Variants in GYPC observed in about 807,000 individuals in gnomAD.
GYPC encodes the protein glycophorin C (Gerbich blood group).
A neutral mutation model predicts 12.6 loss-of-function variants in GYPC; 14 were observed. The observed-to-expected ratio is 1.11, with a 90% CI of 0.74 to 1.74. GYPC has a LOEUF of 1.74. Ranked by LOEUF, GYPC falls within the 40% of genes most tolerant of loss-of-function variation. GYPC has a pLI of 0.00. For missense variants in GYPC, 225 were observed against 172.1 expected, an observed-to-expected ratio of 1.31 and a Z score of -1.72; for synonymous variants, 78 against 62.1, an observed-to-expected ratio of 1.26 and a Z score of -1.20.
intron 1 of GYPC, among the ~76,000 whole-genome samples, chr2:126,664,947 G>T (rs1573557644): frequency 7.8e-6 from 1 of 128,338 alleles, no homozygotes; most frequent in African/African-American, 3.0e-5. Flanking sequence ...ACTACTTGCT[G>T]TCTTTCTCTC....
intron 1 of GYPC, among the ~76,000 whole-genome samples, chr2:126,683,988 CG>C (rs1199347635): frequency 6.6e-6 from 1 of 152,148 alleles, no homozygotes; most frequent in Non-Finnish European, 1.5e-5. Context: ...GTGCAGCCTG[CG>C]TGGGTCCAAT....
intron 1 of GYPC, chr2:126,678,570 T>C (rs977805606): frequency 2.6e-5 from 4 of 152,348 alleles, no homozygotes; most frequent in African/African-American, 9.6e-5. Flanking sequence ...CCTCTCTGGC[T>C]AGGGAGGAGG....
At chr2:126,681,357 T>C (rs955163519) in intron 1 of GYPC, among the ~76,000 whole-genome samples, 1 of 152,202 alleles carries the variant, frequency 6.6e-6, no homozygotes, top group Non-Finnish European at 1.5e-5. Context: ...GGTATCATAA[T>C]TGACATAACC....
chr2:126,689,908 CACA>C (rs1386962311), intron 1 of GYPC, among the ~76,000 whole-genome samples: 2 of 152,232 alleles, frequency 1.3e-5, no homozygotes, highest in African/African-American at 4.8e-5. Context: ...CTTTCTTAAA[CACA>C]ACAAGAGTCC....
rs67904410 is a variant in GYPC at position 126,666,708 on chromosome 2, TACACACACACACACAC to T, written c.49+10430_49+10445del. Among the ~76,000 whole-genome samples the T allele has an allele frequency of 2.6e-3, 306 of 118,516 alleles. 2 individuals carry two copies. Among genetic ancestry groups the T allele is most frequent in the East Asian group, 0.012 (45 of 3,648 alleles). 77.8% of individuals were successfully genotyped at this position (118,516 alleles called of 152,430 possible). A position where few individuals can be genotyped will look rare whatever the true frequency, so the allele number is the denominator to read the frequency against. On this transcript the variant is annotated intron_variant, in intron 1 of 3. Transcript: ENST00000259254. ...CTCCTGCCCCCCTCCCCTCCCTCCC[TACACACACACACACAC>T]ACACACACACACACACACACACACA...
intron 1 of GYPC, among the ~76,000 whole-genome samples, chr2:126,660,798 T>G (rs1479116394): frequency 6.6e-6 from 1 of 152,134 alleles, no homozygotes; most frequent in East Asian, 1.9e-4. Flanking sequence ...AATACTAAGT[T>G]GAAATGGACA....
intron 1 of GYPC, among the ~76,000 whole-genome samples, chr2:126,673,088 C>T (rs998298782): frequency 2.0e-5 from 3 of 152,024 alleles, no homozygotes; most frequent in African/African-American, 7.2e-5. Flanking sequence ...TTGGGAGGTA[C>T]TTTTCATCTG....
chr2:126,695,989 C>T lies in GYPC; in HGVS notation c.234C>T (p.Phe78=), dbSNP rs780413543. 62 of 1,614,002 alleles carry T rather than the reference C, an allele frequency of 3.8e-5. No homozygotes were observed. The highest frequency in any genetic ancestry group is 1.3e-4 in the Admixed American group (8 of 60,002). Residue 78 remains phenylalanine (F), a synonymous_variant, in exon 4 of 4, where the codon TTC becomes TTT. Coordinates refer to ENST00000259254, the MANE Select transcript of GYPC (RefSeq NM_002101.5). ...CCATCGTCCTAGTCTCCCTCCTCTT[C>T]GTCATGCTGCGCTACATGTACCGGC... The part of the protein sequence containing the change: ...AVAIVLVSLL[F]VMLRYMYRHK...
chr2:126,656,609 T>C (rs1682364607), intron 1 of GYPC, among the ~76,000 whole-genome samples: 1 of 152,252 alleles, frequency 6.6e-6, no homozygotes, highest in African/African-American at 2.4e-5. Flanking sequence ...TCTGTTTCTT[T>C]GTGCGGGGCA....
intron 1 of GYPC, among the ~76,000 whole-genome samples, chr2:126,664,769 C>G (rs1682631971): frequency 6.6e-6 from 1 of 152,244 alleles, no homozygotes; most frequent in South Asian, 2.1e-4. Context: ...CTGCCCCTTG[C>G]TCCCAGGGCT....
intron 3 of GYPC, among the ~76,000 whole-genome samples, chr2:126,695,083 C>T (rs1160509382): frequency 6.6e-6 from 1 of 152,134 alleles, no homozygotes; most frequent in Admixed American, 6.5e-5. Flanking sequence ...GTCCTCAGTC[C>T]CCAGGAGGGA....
intron 3 of GYPC, 118 bp from the exon 4 acceptor site, chr2:126,695,828 A>C (rs1573583287): frequency 1.3e-6 from 1 of 792,440 alleles, no homozygotes; most frequent in East Asian, 2.4e-5. Flanking sequence ...ATCAAGGAGC[A>C]TCTCTTTTGG....
chr2:126,666,383 G>T (rs1410721557), intron 1 of GYPC, among the ~76,000 whole-genome samples: 1 of 152,206 alleles, frequency 6.6e-6, no homozygotes, highest in African/African-American at 2.4e-5. Flanking sequence ...GTCACTGCAT[G>T]ACTGCAATTT....
intron 1 of GYPC, among the ~76,000 whole-genome samples, chr2:126,689,746 AC>A (rs1683399516): frequency 6.6e-6 from 1 of 152,144 alleles, no homozygotes; most frequent in Non-Finnish European, 1.5e-5. Flanking sequence ...TGAGGCCCTC[AC>A]CAGATGCAGC....
intron 1 of GYPC, among the ~76,000 whole-genome samples, chr2:126,660,107 A>C (rs1165341735): frequency 6.6e-6 from 1 of 152,200 alleles, no homozygotes; most frequent in African/African-American, 2.4e-5. Context: ...CCAAGGAGAG[A>C]GTTGCAGGGT....
chr2:126,663,014 G>A (rs1206872650), intron 1 of GYPC, among the ~76,000 whole-genome samples: 5 of 151,992 alleles, frequency 3.3e-5, no homozygotes, highest in Non-Finnish European at 5.9e-5. Flanking sequence ...TCTCGCTCCC[G>A]ATGCTGCTCC....
At chr2:126,690,338 A>G (rs1683423147) in intron 2 of GYPC, 27 bp downstream of exon 2, 1 of 1,554,506 alleles carries the variant, frequency 6.4e-7, no homozygotes, top group Non-Finnish European at 8.9e-7. Context: ...GAGCCTCACC[A>G]TAATGGAAAC....
intron 1 of GYPC, among the ~76,000 whole-genome samples, chr2:126,678,018 A>G (rs986876949): frequency 1.4e-4 from 22 of 152,266 alleles, no homozygotes; most frequent in African/African-American, 4.3e-4. Flanking sequence ...TCAGGAGATC[A>G]AGACCATCCT....
rs1683018678 is a variant in GYPC at position 126,677,296 on chromosome 2, A to C, written c.50-12959A>C. On this transcript the variant is annotated intron_variant, in intron 1 of 3. Coordinates refer to ENST00000259254, the MANE Select transcript of GYPC (RefSeq NM_002101.5). The stretch of plus-strand genomic sequence containing the variant: ...GCATGTGAGAGTGTGTGAGTGTGTT[A>C]GAGTGTGTGAGTGTGTGTGAGAATG... Among the ~76,000 whole-genome samples the C allele has an allele frequency of 2.7e-5, 4 of 150,378 alleles. No individual in the cohort carries two copies. The South Asian group carries it at 8.5e-4, about 32-fold the overall frequency.
Sources: allele counts gnomAD v4.1 joint callset (sites outside exome capture counted in the v4.1 genomes callset), GRCh38; gene constraint gnomAD v4.1.1; transcripts MANE v1.5; gene names NCBI Gene and HGNC (gene_info 2026-07-23, HGNC 2026-07-21).